GSG1L2: variants seen among roughly 807,000 people sequenced by gnomAD.
GSG1L2 encodes GSG1 like 2.
Under a neutral mutation model 9.0 loss-of-function variants are expected in GSG1L2, and 15 were observed. The observed-to-expected ratio is 1.67, with a 90% CI of 1.12 to 2.57. The LOEUF (loss-of-function observed/expected upper bound fraction) is 2.57. Among genes scored for constraint, GSG1L2 ranks in the 30% most tolerant of loss-of-function variants. The pLI, the probability that GSG1L2 is intolerant of heterozygous loss-of-function variation, is 0.00. For missense variants in GSG1L2, 286 were observed against 150.3 expected, an observed-to-expected ratio of 1.90 and a Z score of -4.72; for synonymous variants, 127 against 57.9, an observed-to-expected ratio of 2.19 and a Z score of -5.41.
At position 9,816,866 on chromosome 17, in the gene GSG1L2, GTGTC is replaced by G. The variant is rs1190798004; in HGVS notation, c.310+4892_310+4895del. ...TGTGTTTCTGTGTATCTGTATGTGT[GTGTC>G]TGTGTGTGTATCTGTGTGTGTGTAT... On this transcript the variant is annotated intron_variant, in intron 1 of 4. Transcript: ENST00000399363. Among the ~76,000 whole-genome samples, 24 of 141,190 alleles carry G rather than the reference GTGTC, an allele frequency of 1.7e-4. 1 individual carries two copies. Among genetic ancestry groups the G allele is most frequent in the Admixed American group, 1.1e-3 (16 of 14,196 alleles). 92.6% of individuals were successfully genotyped at this position (141,190 alleles called of 152,430 possible). A position where few individuals can be genotyped will look rare whatever the true frequency, so the allele number is the denominator to read the frequency against.
chr17:9,802,171 A>G lies in GSG1L2; in HGVS notation c.*215T>C, dbSNP rs117914071. Among the ~76,000 whole-genome samples the G allele has an allele frequency of 8.4e-3, 1,282 of 152,320 alleles. 7 individuals carry two copies. The highest frequency in any genetic ancestry group is 0.017 in the Middle Eastern group (5 of 294). On this transcript the variant is annotated 3_prime_UTR_variant, in exon 5 of 5. Transcript: ENST00000399363. ...TAGAGTGTCAATGGTTGATATCTTC[A>G]GTAAGCATTATCTCACTTCAAGGTA... is the stretch of plus-strand genomic sequence containing the variant.
chr17:9,821,690 C>T (rs1246592926), intron 1 of GSG1L2, 72 bp downstream of exon 1: 1 of 672,442 alleles, frequency 1.5e-6, no homozygotes, highest in African/African-American at 1.8e-5. Context: ...GATTCAAACC[C>T]AGACAGCCTG....
Position 9,808,996 on chromosome 17 carries a change from G to C in GSG1L2, c.359-14C>G. 1 of 702,864 alleles carries C rather than the reference G, an allele frequency of 1.4e-6. No homozygotes were observed. Among genetic ancestry groups the C allele is most frequent in the East Asian group, 2.7e-5 (1 of 37,280 alleles). 43.5% of individuals were successfully genotyped at this position (702,864 alleles called of 1,614,324 possible). A position where few individuals can be genotyped will look rare whatever the true frequency, so the allele number is the denominator to read the frequency against. ...GCCACAAAACACCTGCCAAAGAACG[G>C]GATGTTGGAAACGCTGGACACTTCT... On this transcript the variant is annotated splice_polypyrimidine_tract_variant and intron_variant, in intron 2 of 4. Transcript: ENST00000399363.
At chr17:9,815,623 G>C (rs2152024191) in intron 1 of GSG1L2, among the ~76,000 whole-genome samples, 1 of 152,300 alleles carries the variant, frequency 6.6e-6, no homozygotes. Flanking sequence ...ACATATTACG[G>C]AATCTTTTCC....
Position 9,801,817 on chromosome 17 carries a change from T to G in GSG1L2, c.*569A>C, listed in dbSNP as rs2066497869. 6.6e-6 allele frequency among the ~76,000 whole-genome samples: 1 copy of G among 152,210 alleles called. No individual in the cohort carries two copies. The highest frequency in any genetic ancestry group is 6.5e-5 in the Admixed American group (1 of 15,280). ...CATTCGACTGTCCTTCCAAACTGAT[T>G]TTACTATGAGTAGAAACACAAAATT... On this transcript the variant is annotated 3_prime_UTR_variant, in exon 5 of 5. Transcript: ENST00000399363.
chr17:9,821,676 G>T, intron 1 of GSG1L2, 86 bp downstream of exon 1: 1 of 661,506 alleles, frequency 1.5e-6, no homozygotes, highest in Non-Finnish European at 2.8e-6. Context: ...CCCAGAATCT[G>T]CAGGATTCAA....
rs2066583141 is a variant in GSG1L2 at position 9,820,072 on chromosome 17, G to A, written c.310+1690C>T. On this transcript the variant is annotated intron_variant, in intron 1 of 4. Coordinates refer to ENST00000399363, the MANE Select transcript of GSG1L2 (RefSeq NM_001310219.2). The surrounding 1 kb of genome is among the most constrained non-coding windows in gnomAD (Gnocchi z 4.9). ...GCCGTTGCAATCCAGCCTGGGCAAC[G>A]AGAGGGAAATTCCATCTCAAAATAA... Among the ~76,000 whole-genome samples, 1 of 151,898 alleles carries A rather than the reference G, an allele frequency of 6.6e-6. No homozygotes were observed. Among genetic ancestry groups the A allele is most frequent in the South Asian group, 2.1e-4 (1 of 4,810 alleles).
At chr17:9,816,262 G>A (rs2152024284) in intron 1 of GSG1L2, among the ~76,000 whole-genome samples, 2 of 152,354 alleles carry the variant, frequency 1.3e-5, no homozygotes, top group Middle Eastern at 6.8e-3. Flanking sequence ...CATGAATCAT[G>A]GAGAACACTA....
At chr17:9,814,412 C>T (rs1015426980) in intron 1 of GSG1L2, among the ~76,000 whole-genome samples, 1 of 152,048 alleles carries the variant, frequency 6.6e-6, no homozygotes, top group African/African-American at 2.4e-5. Context: ...ACCTAATGCA[C>T]GGAGAAGTGA....
intron 4 of GSG1L2, chr17:9,803,769 T>C (rs2066506599): frequency 6.6e-6 from 1 of 152,224 alleles, no homozygotes; most frequent in Admixed American, 6.5e-5. Context: ...ACTATAATTA[T>C]CTCCATTTTA....
intron 1 of GSG1L2, among the ~76,000 whole-genome samples, chr17:9,812,845 T>G (rs552246601): frequency 4.7e-4 from 71 of 152,284 alleles, no homozygotes; most frequent in African/African-American, 1.6e-3. Flanking sequence ...TCAAGCAATC[T>G]GCCCACCTCA....
chr17:9,821,185 C>T (rs758853467), intron 1 of GSG1L2, among the ~76,000 whole-genome samples: 2 of 152,224 alleles, frequency 1.3e-5, no homozygotes, highest in African/African-American at 2.4e-5. Context: ...GGGAAGAGTA[C>T]TCTGTCCCTG....
At chr17:9,806,264 G>T (rs1264691181) in intron 4 of GSG1L2, among the ~76,000 whole-genome samples, 10 of 152,098 alleles carry the variant, frequency 6.6e-5, no homozygotes, top group Admixed American at 2.0e-4. Flanking sequence ...TTTGAGAGCT[G>T]TTCTCCCACC....
chr17:9,817,029 C>T (rs1188222137), intron 1 of GSG1L2, among the ~76,000 whole-genome samples: 1 of 152,008 alleles, frequency 6.6e-6, no homozygotes, highest in African/African-American at 2.4e-5. Flanking sequence ...CTCTCACTCC[C>T]GCTTTCAGCT....
chr17:9,814,697 C>T (rs551805706), intron 1 of GSG1L2, among the ~76,000 whole-genome samples: 14 of 152,216 alleles, frequency 9.2e-5, no homozygotes, highest in African/African-American at 2.9e-4. Flanking sequence ...GCCAGGGAGG[C>T]GGGTGTTACA....
intron 4 of GSG1L2, 68 bp downstream of exon 4, chr17:9,807,422 A>G: frequency 2.9e-6 from 2 of 697,686 alleles, no homozygotes; most frequent in Middle Eastern, 2.3e-4. Context: ...ATCCTACAAA[A>G]CATGTGTATG....
At position 9,818,727 on chromosome 17, in the gene GSG1L2, C is replaced by T. The variant is rs780339007; in HGVS notation, c.310+3035G>A. ...ACCAAAAGAACAGGGCTAAACTATTCGTGGTAAATCCACCTCCACAATCCA... is the reference window on the plus strand; with the variant it reads ...ACCAAAAGAACAGGGCTAAACTATTTGTGGTAAATCCACCTCCACAATCCA... On this transcript the variant is annotated intron_variant, in intron 1 of 4. Transcript: ENST00000399363. Among the ~76,000 whole-genome samples, 6 of 152,118 alleles carry T rather than the reference C, an allele frequency of 3.9e-5. No individual in the cohort carries two copies. The East Asian group carries it at 1.2e-3, about 29-fold the overall frequency.
At chr17:9,811,280 C>T (rs527274812) in intron 1 of GSG1L2, among the ~76,000 whole-genome samples, 2 of 152,280 alleles carry the variant, frequency 1.3e-5, no homozygotes, top group African/African-American at 2.4e-5. Context: ...GTCACGCATT[C>T]GCTTGCATTC....
At chr17:9,805,916 G>C (rs1391036926) in intron 4 of GSG1L2, among the ~76,000 whole-genome samples, 3 of 152,142 alleles carry the variant, frequency 2.0e-5, no homozygotes, top group African/African-American at 4.8e-5. Context: ...CATTTCTGAT[G>C]TACACGTCAC....
Sources: gnomAD v4.1 joint callset for allele counts (sites outside exome capture counted in the v4.1 genomes callset) on GRCh38, gnomAD v4.1.1 for gene constraint, Gnocchi (gnomAD v3.1) non-coding constraint, MANE v1.5 for transcripts, NCBI Gene and HGNC (gene_info 2026-07-23, HGNC 2026-07-21) for gene names.